Variants in PSG3 observed in about 807,000 individuals in gnomAD.
The protein encoded by PSG3 is pregnancy specific beta-1-glycoprotein 3, also known as pregnancy-specific beta-1-glycoprotein 3.
Under a neutral mutation model 47.5 loss-of-function variants are expected in PSG3, and 61 were observed. The ratio of observed to expected loss-of-function variants is 1.28; its 90% confidence interval spans 1.05 to 1.59. The LOEUF is 1.59. Ranked by LOEUF, PSG3 falls within the 40% of genes most tolerant of loss-of-function variation. PSG3 has a pLI of 0.00. For synonymous variants in PSG3, 263 were observed against 198.4 expected, an observed-to-expected ratio of 1.33 and a Z score of -2.74; for missense variants, 756 against 524.0, an observed-to-expected ratio of 1.44 and a Z score of -4.32.
rs549710183 is a variant in PSG3 at position 42,740,442 on chromosome 19, C to T, written c.-58G>A. The T allele has an allele frequency of 6.9e-5, 112 of 1,613,478 alleles. No individual in the cohort carries two copies. The highest frequency in any genetic ancestry group is 9.2e-5 in the Non-Finnish European group (109 of 1,179,756). ...AGCTGAGCCTAGGATCCAGAAACTT[C>T]CTGAGCATGGCTCTCAGCTGTGCTG... On this transcript the variant is annotated 5_prime_UTR_variant, in exon 1 of 7. Coordinates refer to ENST00000327495, the MANE Select transcript of PSG3 (RefSeq NM_021016.4).
At chr19:42,735,455 C>T (rs1370894531) in intron 2 of PSG3, among the ~76,000 whole-genome samples, 3 of 152,146 alleles carry the variant, frequency 2.0e-5, no homozygotes, top group East Asian at 3.9e-4. Flanking sequence ...CAAGCTCCAC[C>T]TCCTGGGTTC....
rs547327019 is a variant in PSG3 at position 42,738,645 on chromosome 19, A to G, written c.430+79T>C. 1.2e-5 allele frequency: 19 copies of G among 1,610,736 alleles called. No homozygotes were observed. The East Asian group carries it at 4.2e-4, about 36-fold the overall frequency. ...ATAATGCAGAGAGGGACACAGGCAC[A>G]ATCCAGGCCTGACAATCCTTTGTGT... is the stretch of plus-strand genomic sequence containing the variant. On this transcript the variant is annotated intron_variant, in intron 2 of 6. Coordinates refer to ENST00000327495, the MANE Select transcript of PSG3 (RefSeq NM_021016.4).
chr19:42,722,702 C>T (rs999417543), intron 6 of PSG3, among the ~76,000 whole-genome samples: 20 of 152,104 alleles, frequency 1.3e-4, no homozygotes, highest in Non-Finnish European at 2.5e-4. Flanking sequence ...AACTGGATTA[C>T]TGAGTTCTTG....
chr19:42,736,172 G>A (rs1197751464), intron 2 of PSG3, among the ~76,000 whole-genome samples: 2 of 152,338 alleles, frequency 1.3e-5, no homozygotes, highest in African/African-American at 4.8e-5. Flanking sequence ...CTGCTAAAAT[G>A]TTGGCAGAGT....
intron 5 of PSG3, among the ~76,000 whole-genome samples, chr19:42,724,392 C>A (rs185450943): frequency 4.4e-4 from 67 of 152,272 alleles, no homozygotes; most frequent in African/African-American, 1.6e-3. Context: ...GAGACCCTGC[C>A]AGGTCTCCAT....
At chr19:42,735,068 C>A (rs1202963321) in intron 2 of PSG3, among the ~76,000 whole-genome samples, 1 of 152,200 alleles carries the variant, frequency 6.6e-6, no homozygotes, top group African/African-American at 2.4e-5. Flanking sequence ...GCAGTAAAGC[C>A]ATCAGATAGC....
At chr19:42,722,731 T>C (rs1969318740) in intron 6 of PSG3, among the ~76,000 whole-genome samples, 2 of 152,204 alleles carry the variant, frequency 1.3e-5, no homozygotes, top group South Asian at 2.1e-4. Context: ...CATTCATAAA[T>C]AGGGCCAAAA....
At position 42,732,477 on chromosome 19, in the gene PSG3, T is replaced by C. The variant is rs534712704; in HGVS notation, c.709+307A>G. The C allele has an allele frequency of 2.3e-4, 132 of 585,298 alleles. 1 individual carries two copies. The highest frequency in any genetic ancestry group is 1.8e-3 in the African/African-American group (99 of 53,636). The allele number at this position is 585,298 out of a possible 1,614,324, so 36.3% of individuals were successfully genotyped here. ...GGCCACAGTGACCCTGTGAGCCAAG[T>C]TGCAACACTGAAGTCCCAGCCAAAT... On this transcript the variant is annotated intron_variant, in intron 3 of 6. Coordinates refer to ENST00000327495, the MANE Select transcript of PSG3 (RefSeq NM_021016.4).
chr19:42,739,813 A>T (rs1969638180), intron 1 of PSG3, among the ~76,000 whole-genome samples: 1 of 152,200 alleles, frequency 6.6e-6, no homozygotes, highest in Non-Finnish European at 1.5e-5. Flanking sequence ...TAATCAGGAA[A>T]ACAGAACACT....
intron 5 of PSG3, among the ~76,000 whole-genome samples, chr19:42,728,111 T>G (rs1025811594): frequency 3.9e-5 from 6 of 151,938 alleles, no homozygotes; most frequent in African/African-American, 7.3e-5. Context: ...GGTGCTAAGG[T>G]TTAGGGGGAG....
At chr19:42,737,327 T>G (rs1969581721) in intron 2 of PSG3, among the ~76,000 whole-genome samples, 1 of 152,148 alleles carries the variant, frequency 6.6e-6, no homozygotes. Flanking sequence ...TTTTGGATCA[T>G]TCATTTCTTC....
chr19:42,721,737 C>A lies in PSG3; in HGVS notation c.*394G>T. 2.6e-6 allele frequency: 1 copy of A among 389,572 alleles called. No individual in the cohort carries two copies. 24.1% of individuals were successfully genotyped at this position (389,572 alleles called of 1,614,324 possible). On this transcript the variant is annotated 3_prime_UTR_variant, in exon 7 of 7. Coordinates refer to ENST00000327495, the MANE Select transcript of PSG3 (RefSeq NM_021016.4). ...ACTTAGGGAGCAAAAGCAAATGTTT[C>A]AATTTTTGTTTACAAAAGTATACTT...
chr19:42,731,294 T>C (rs1191469205), intron 3 of PSG3, among the ~76,000 whole-genome samples: 1 of 152,258 alleles, frequency 6.6e-6, no homozygotes, highest in Non-Finnish European at 1.5e-5. Flanking sequence ...TGTCATATAC[T>C]TACTGGTTTA....
At position 42,738,878 on chromosome 19, in the gene PSG3, C is replaced by T. The variant is rs758972252; in HGVS notation, c.276G>A (p.Gly92=). The change falls in exon 2 of 7, where the codon GGG becomes GGA. Residue 92 remains glycine, a synonymous_variant. Transcript: ENST00000327495. ...YVVDGQIIIY[G]PAYSGRETVY... The stretch of plus-strand genomic sequence containing the variant: ...CTGTTTCTCGTCCACTGTATGCAGG[C>T]CCATATATAATTATTTGACCATCTA... 3.1e-6 allele frequency: 5 copies of T among 1,613,912 alleles called. No homozygotes were observed. The highest frequency in any genetic ancestry group is 2.7e-5 in the African/African-American group (2 of 74,870).
At chr19:42,730,104 C>T (rs1219400119) in intron 3 of PSG3, 48 bp from the exon 4 acceptor site, 8 of 1,601,376 alleles carry the variant, frequency 5.0e-6, no homozygotes, top group African/African-American at 1.3e-5. Flanking sequence ...ACCTTTGATT[C>T]CTCCACTGGC....
rs560100488 is a variant in PSG3, at chr19:42,740,339, T to G, written c.46A>C (p.Lys16Gln). ...APPCTQRITW[K>Q]GLLLTALLLN... Reference sequence around the variant, plus strand: ...TCCTCACCTGTGAGCAGGAGCCCCTTCCAGGTGATGCGCTGTGTGCAGGGA... The same window carrying G: ...TCCTCACCTGTGAGCAGGAGCCCCTGCCAGGTGATGCGCTGTGTGCAGGGA... The change falls in exon 1 of 7, where the codon AAG becomes CAG. Residue 16 changes from lysine to glutamine, a missense_variant. By Grantham distance (53) the Lys-to-Gln change is moderately conservative. Coordinates refer to ENST00000327495, the MANE Select transcript of PSG3 (RefSeq NM_021016.4). 2 of 1,613,956 alleles carry G rather than the reference T, an allele frequency of 1.2e-6. No homozygotes were observed. Among genetic ancestry groups the G allele is most frequent in the Admixed American group, 3.3e-5 (2 of 60,018 alleles).
chr19:42,737,986 G>A (rs1040202544), intron 2 of PSG3, among the ~76,000 whole-genome samples: 4 of 152,324 alleles, frequency 2.6e-5, no homozygotes, highest in African/African-American at 9.6e-5. Context: ...CTTTATGTCA[G>A]ATGCCTGTGG....
At chr19:42,730,504 A>C (rs1258548733) in intron 3 of PSG3, among the ~76,000 whole-genome samples, 4 of 152,152 alleles carry the variant, frequency 2.6e-5, no homozygotes, top group African/African-American at 4.8e-5. Flanking sequence ...ATGAGTAATA[A>C]TGGGACTTCC....
At position 42,729,856 on chromosome 19, in the gene PSG3, C is replaced by T; in HGVS notation, c.910G>A (p.Glu304Lys). The change falls in exon 4 of 7, where the codon GAA becomes AAA. Residue 304 changes from glutamate to lysine, a missense_variant. Transcript: ENST00000327495. ...ILILPSVTRN[E>K]TGPYQCEIQD... ...ATTTCACATTGATAGGGTCCTGTTT[C>T]ATTTCTCGTGACACTGGGTAGAATG... The T allele has an allele frequency of 6.2e-7, 1 of 1,613,246 alleles. No individual in the cohort carries two copies. The highest frequency in any genetic ancestry group is 8.5e-7 in the Non-Finnish European group (1 of 1,179,860).
Sources: allele counts gnomAD v4.1 joint callset (sites outside exome capture counted in the v4.1 genomes callset), GRCh38; gene constraint gnomAD v4.1.1; transcripts MANE v1.5; gene names NCBI Gene and HGNC (gene_info 2026-07-23, HGNC 2026-07-21).